The following KAZN variants were observed in gnomAD, a reference collection of about 807,000 sequenced individuals.
KAZN encodes kazrin.
KAZN carries 40 observed loss-of-function variants against 87.4 expected under a neutral mutation model. The observed-to-expected ratio is 0.46, with a 90% CI of 0.36 to 0.60. The LOEUF (loss-of-function observed/expected upper bound fraction) is 0.60. Among genes scored for constraint, KAZN ranks in the 20% least tolerant of loss-of-function variants. The pLI is 0.00. For synonymous variants in KAZN, 466 were observed against 458.3 expected (o/e 1.02, Z -0.22); for missense variants, 898 against 1,073.9 (o/e 0.84, Z 2.29).
chr1:14,143,328 C>T (rs1158353900), intron 1 of KAZN, among the ~76,000 whole-genome samples: 1 of 152,206 alleles, frequency 6.6e-6, no homozygotes, highest in Non-Finnish European at 1.5e-5. Flanking sequence ...AGGAAGTCCT[C>T]CTCCCCACTA....
intron 1 of KAZN, chr1:14,692,074 G>T: frequency 7.3e-6 from 2 of 273,882 alleles, no homozygotes; most frequent in African/African-American, 2.2e-5. Context: ...ATAATGAATT[G>T]TAAAATGGGC....
chr1:14,414,394 C>A (rs1360482940), intron 2 of KAZN, among the ~76,000 whole-genome samples: 1 of 148,066 alleles, frequency 6.8e-6, no homozygotes, highest in Non-Finnish European at 1.5e-5. Flanking sequence ...GAGGAAGGAG[C>A]CAAGAATCCA....
chr1:14,501,760 C>T (rs1346425383), intron 2 of KAZN, among the ~76,000 whole-genome samples: 9 of 152,142 alleles, frequency 5.9e-5, no homozygotes, highest in Non-Finnish European at 1.2e-4. Flanking sequence ...AACAAAATCC[C>T]GGCTGTAATC....
chr1:14,436,728 A>AAAAAAAAAAC (rs1557720738), intron 2 of KAZN, among the ~76,000 whole-genome samples: 9 of 29,348 alleles, frequency 3.1e-4, no homozygotes, highest in African/African-American at 1.6e-3. Flanking sequence ...AAAAAAAAAA[A>AAAAAAAAAAC]AAAAAAAAAA....
intron 1 of KAZN, among the ~76,000 whole-genome samples, chr1:14,840,174 C>T (rs949913363): frequency 6.6e-6 from 1 of 152,134 alleles, no homozygotes; most frequent in Non-Finnish European, 1.5e-5. Context: ...AGGTCTTGCA[C>T]GGTGATTGCC....
intron 1 of KAZN, among the ~76,000 whole-genome samples, chr1:14,748,427 G>A (rs1644319542): frequency 1.3e-5 from 2 of 152,118 alleles, no homozygotes; most frequent in African/African-American, 4.8e-5. Flanking sequence ...TGTGATTTGG[G>A]GCAAGCTGAC....
chr1:14,970,380 T>G (rs1196629181), intron 2 of KAZN, among the ~76,000 whole-genome samples: 1 of 152,222 alleles, frequency 6.6e-6, no homozygotes, highest in Non-Finnish European at 1.5e-5. Flanking sequence ...GGCAACCCCG[T>G]GACTCACAGT....
intron 2 of KAZN, among the ~76,000 whole-genome samples, chr1:14,984,032 C>A (rs1401594171): frequency 6.6e-6 from 1 of 152,106 alleles, no homozygotes; most frequent in African/African-American, 2.4e-5. Context: ...GTAGGCAGTG[C>A]TTTGGAGTAG....
intron 1 of KAZN, among the ~76,000 whole-genome samples, chr1:14,768,370 ATGT>A (rs1356789199): frequency 6.6e-6 from 1 of 152,176 alleles, no homozygotes; most frequent in Non-Finnish European, 1.5e-5. Context: ...CAACTCTGTG[ATGT>A]TGTCGGGGAA....
intron 2 of KAZN, among the ~76,000 whole-genome samples, chr1:14,329,859 C>T (rs1217080005): frequency 6.6e-6 from 1 of 152,216 alleles, no homozygotes; most frequent in Non-Finnish European, 1.5e-5. Flanking sequence ...GGTCCCCCTA[C>T]CTGTTTTCTT....
At position 14,433,525 on chromosome 1, in the gene KAZN, G is replaced by C. The variant is rs150583211; in HGVS notation, c.250-165458G>C. Among the ~76,000 whole-genome samples, 1,131 of 152,256 alleles carry C rather than the reference G, an allele frequency of 7.4e-3. 13 individuals carry two copies. Among genetic ancestry groups the C allele is most frequent in the African/African-American group, 0.026 (1,081 of 41,544 alleles). ...GGGAATTCGGGTTAGAGGAAGTCAC[G>C]AGGGAGGGGCTGTTGTAATGGAATT... On this transcript the variant is annotated intron_variant, in intron 2 of 16. Transcript: ENST00000636203.
chr1:14,432,006 C>T (rs1666099528), intron 2 of KAZN, among the ~76,000 whole-genome samples: 1 of 152,034 alleles, frequency 6.6e-6, no homozygotes, highest in South Asian at 2.1e-4. Context: ...TCTGGAGAAC[C>T]CTGACTAATA....
At chr1:13,978,947 AT>A (rs1162027768) in intron 1 of KAZN, among the ~76,000 whole-genome samples, 1 of 151,932 alleles carries the variant, frequency 6.6e-6, no homozygotes, top group Non-Finnish European at 1.5e-5. Context: ...CAAAAACAAA[AT>A]TGCCAAGCAT....
chr1:13,971,631 GGA>G (rs1642140780), intron 1 of KAZN, among the ~76,000 whole-genome samples: 1 of 151,906 alleles, frequency 6.6e-6, no homozygotes, highest in Non-Finnish European at 1.5e-5. Flanking sequence ...GTTGTATCTG[GGA>G]AGAATTTCAC....
chr1:13,908,676 C>T (rs1639535786), intron 1 of KAZN, among the ~76,000 whole-genome samples: 1 of 152,140 alleles, frequency 6.6e-6, no homozygotes, highest in Non-Finnish European at 1.5e-5. Context: ...GCAGAAGAAC[C>T]CTTTGCCATT....
chr1:13,972,617 C>CT (rs1642179933), intron 1 of KAZN, among the ~76,000 whole-genome samples: 1 of 152,202 alleles, frequency 6.6e-6, no homozygotes, highest in Non-Finnish European at 1.5e-5. Context: ...GCCTTTTACT[C>CT]TGATAGTTTT....
At chr1:15,083,621 G>C (rs570983532) in intron 8 of KAZN, among the ~76,000 whole-genome samples, 1 of 152,170 alleles carries the variant, frequency 6.6e-6, no homozygotes, top group Non-Finnish European at 1.5e-5. Context: ...ACATCGGCCT[G>C]TCTTTCCCGA....
intron 2 of KAZN, among the ~76,000 whole-genome samples, chr1:14,469,334 G>A (rs1325534103): frequency 1.3e-5 from 2 of 152,152 alleles, no homozygotes; most frequent in African/African-American, 2.4e-5. Context: ...GTAAAATGTA[G>A]CACTTTTATT....
At chr1:15,020,035 C>G (rs12130605) in intron 2 of KAZN, among the ~76,000 whole-genome samples, 1 of 151,964 alleles carries the variant, frequency 6.6e-6, no homozygotes, top group African/African-American at 2.4e-5. Flanking sequence ...CACAGCTCAT[C>G]TTCCTTCCCC....
Sources: gnomAD v4.1 joint callset for allele counts (sites outside exome capture counted in the v4.1 genomes callset) on GRCh38, gnomAD v4.1.1 for gene constraint, MANE v1.5 for transcripts, NCBI Gene and HGNC (gene_info 2026-07-23, HGNC 2026-07-21) for gene names.